CNTN5: variants seen among roughly 807,000 people sequenced by gnomAD.
CNTN5 encodes contactin 5, also known as contactin-5.
CNTN5 carries 77 observed loss-of-function variants against 129.1 expected under a neutral mutation model. The observed-to-expected ratio is 0.60, with a 90% confidence interval of 0.50 to 0.72. The LOEUF is 0.72. CNTN5 is among the 30% of genes least tolerant of loss of function. The pLI, the probability that CNTN5 is intolerant of heterozygous loss-of-function variation, is 0.00. For missense variants in CNTN5, 1,478 were observed against 1,328.8 expected (o/e 1.11, Z -1.75); for synonymous variants, 509 against 465.6 (o/e 1.09, Z -1.20).
At chr11:99,339,758 C>T (rs1221369567) in intron 2 of CNTN5, among the ~76,000 whole-genome samples, 1 of 146,756 alleles carries the variant, frequency 6.8e-6, no homozygotes, top group Non-Finnish European at 1.5e-5. Context: ...CTCCAGCCTG[C>T]GCTACAGAGT....
intron 3 of CNTN5, among the ~76,000 whole-genome samples, chr11:99,688,862 G>A (rs1953910229): frequency 6.6e-6 from 1 of 152,014 alleles, no homozygotes; most frequent in Admixed American, 6.6e-5. Flanking sequence ...GCAGTATTTG[G>A]TTTACTGTTC....
At chr11:99,300,249 G>C (rs1156329386) in intron 1 of CNTN5, among the ~76,000 whole-genome samples, 3 of 152,026 alleles carry the variant, frequency 2.0e-5, no homozygotes, top group African/African-American at 4.8e-5. Context: ...GATGTTGTCA[G>C]TAGGTTTGTC....
At chr11:99,305,736 T>G (rs1243583266) in intron 1 of CNTN5, among the ~76,000 whole-genome samples, 2 of 151,980 alleles carry the variant, frequency 1.3e-5, no homozygotes, top group Admixed American at 1.3e-4. Flanking sequence ...ATCCCAACAC[T>G]TTGGGAGGCT....
intron 2 of CNTN5, among the ~76,000 whole-genome samples, chr11:99,478,818 C>T (rs1376945363): frequency 6.6e-6 from 1 of 152,092 alleles, no homozygotes; most frequent in Non-Finnish European, 1.5e-5. Flanking sequence ...TAAAAATATA[C>T]ATGTGCATTT....
chr11:99,137,403 C>T (rs1859283087), intron 1 of CNTN5, among the ~76,000 whole-genome samples: 1 of 152,084 alleles, frequency 6.6e-6, no homozygotes, highest in South Asian at 2.1e-4. Context: ...GTACTTAATA[C>T]TTTCTTTCTT....
chr11:100,187,429 A>G (rs1047123482), intron 13 of CNTN5, among the ~76,000 whole-genome samples: 2 of 151,862 alleles, frequency 1.3e-5, no homozygotes, highest in Non-Finnish European at 2.9e-5. Flanking sequence ...TTTTCGTGTA[A>G]CTAGAAAAAC....
intron 21 of CNTN5, among the ~76,000 whole-genome samples, chr11:100,327,040 G>C (rs1204799402): frequency 1.3e-5 from 2 of 152,216 alleles, no homozygotes; most frequent in African/African-American, 4.8e-5. Context: ...TTTATTCTAA[G>C]TGCAAAAGGA....
intron 13 of CNTN5, among the ~76,000 whole-genome samples, chr11:100,156,275 A>G (rs919192332): frequency 2.6e-5 from 4 of 151,982 alleles, no homozygotes; most frequent in Non-Finnish European, 1.5e-5. Context: ...GGTTTTTATC[A>G]TTGGTTCTGT....
chr11:99,785,381 C>T (rs1297483800), intron 3 of CNTN5, among the ~76,000 whole-genome samples: 1 of 152,070 alleles, frequency 6.6e-6, no homozygotes, highest in Non-Finnish European at 1.5e-5. Context: ...GTTTCTTTTG[C>T]TGTGCAGAAG....
intron 2 of CNTN5, among the ~76,000 whole-genome samples, chr11:99,508,260 A>G (rs1308604955): frequency 6.6e-6 from 1 of 152,188 alleles, no homozygotes; most frequent in African/African-American, 2.4e-5. Flanking sequence ...TAATTTGTAT[A>G]AAATACCTAG....
At chr11:99,133,213 T>C (rs1194822525) in intron 1 of CNTN5, among the ~76,000 whole-genome samples, 1 of 152,040 alleles carries the variant, frequency 6.6e-6, no homozygotes, top group Non-Finnish European at 1.5e-5. Context: ...ATGCAGAAAA[T>C]TGAAACTGGG....
chr11:99,468,069 A>G (rs1372127381), intron 2 of CNTN5, among the ~76,000 whole-genome samples: 1 of 152,080 alleles, frequency 6.6e-6, no homozygotes, highest in African/African-American at 2.4e-5. Flanking sequence ...TTTATCTTTT[A>G]GCATTTATTA....
At chr11:99,914,207 G>C (rs1949731734) in intron 6 of CNTN5, among the ~76,000 whole-genome samples, 1 of 152,078 alleles carries the variant, frequency 6.6e-6, no homozygotes, top group Admixed American at 6.6e-5. Flanking sequence ...CTGCACTCCA[G>C]CCTGGGCAAC....
intron 1 of CNTN5, among the ~76,000 whole-genome samples, chr11:99,196,262 G>A (rs1858897042): frequency 6.6e-6 from 1 of 151,638 alleles, no homozygotes. Flanking sequence ...TTTGCCACAT[G>A]CATGGCACAT....
At chr11:99,850,821 A>G (rs75099307) in intron 6 of CNTN5, among the ~76,000 whole-genome samples, 3,645 of 152,234 alleles carry the variant, frequency 0.024, 49 homozygotes, top group Non-Finnish European at 0.028. Flanking sequence ...CTGCACACCC[A>G]ACACTTCCTC....
At chr11:99,150,914 G>A (rs11218561) in intron 1 of CNTN5, among the ~76,000 whole-genome samples, 12 of 151,864 alleles carry the variant, frequency 7.9e-5, no homozygotes, top group Non-Finnish European at 1.8e-4. Context: ...GTTTTGAAAG[G>A]TCTTAAGTAA....
At chr11:100,165,460 A>ATAG (rs1364196388) in intron 13 of CNTN5, among the ~76,000 whole-genome samples, 1 of 151,232 alleles carries the variant, frequency 6.6e-6, no homozygotes, top group Non-Finnish European at 1.5e-5. Flanking sequence ...AAAGTGACTA[A>ATAG]TGTATCAAAA....
intron 2 of CNTN5, among the ~76,000 whole-genome samples, chr11:99,325,958 G>A (rs965447503): frequency 2.0e-5 from 3 of 152,160 alleles, no homozygotes; most frequent in African/African-American, 7.2e-5. Flanking sequence ...GTGGAGAGAG[G>A]TAGTGTCATC....
chr11:100,052,874 A>G (rs552191352), intron 9 of CNTN5, among the ~76,000 whole-genome samples: 1 of 151,934 alleles, frequency 6.6e-6, no homozygotes, highest in African/African-American at 2.4e-5. Flanking sequence ...AGGCTTATAG[A>G]TTAATGCAAC....
Sources: allele counts gnomAD v4.1 joint callset (sites outside exome capture counted in the v4.1 genomes callset), GRCh38; gene constraint gnomAD v4.1.1; transcripts MANE v1.5; gene names NCBI Gene and HGNC (gene_info 2026-07-23, HGNC 2026-07-21).